Variants in ALLC observed in about 807,000 individuals in gnomAD.
ALLC encodes the protein allantoicase, also known as probable inactive allantoicase.
Under a neutral mutation model 45.0 loss-of-function variants are expected in ALLC, and 40 were observed. The observed-to-expected ratio is 0.89, with a 90% CI of 0.69 to 1.16. The LOEUF (loss-of-function observed/expected upper bound fraction) is 1.16, where lower values mean the gene tolerates loss of function less well. Among genes scored for constraint, ALLC ranks in the 50% most tolerant of loss-of-function variants. The pLI, the probability that ALLC is intolerant of heterozygous loss-of-function variation, is 0.00. For missense variants in ALLC, 488 were observed against 493.1 expected (o/e 0.99, Z 0.10); for synonymous variants, 176 against 178.1 (o/e 0.99, Z 0.09).
Position 3,667,317 on chromosome 2 carries a change from A to T in ALLC, c.-62-3779A>T, listed in dbSNP as rs372367291. On this transcript the variant is annotated intron_variant, in intron 1 of 11. Transcript: ENST00000252505. Reference sequence around the variant, plus strand: ...TCCACTGCACCACGAGCCGCTGAAGAGCAAGTGCATGCTCAGCCCCGGGCA... The same window carrying T: ...TCCACTGCACCACGAGCCGCTGAAGTGCAAGTGCATGCTCAGCCCCGGGCA... Among the ~76,000 whole-genome samples the T allele has an allele frequency of 6.4e-4, 97 of 152,332 alleles. 4 individuals carry two copies. Among genetic ancestry groups the T allele is most frequent in the African/African-American group, 2.3e-3 (94 of 41,576 alleles).
intron 3 of ALLC, among the ~76,000 whole-genome samples, chr2:3,674,825 C>T (rs756477945): frequency 7.2e-5 from 11 of 152,178 alleles, no homozygotes; most frequent in Non-Finnish European, 1.3e-4. Context: ...GAAAGGGCAA[C>T]ATGAATTAAC....
chr2:3,669,606 C>T (rs865777043), intron 1 of ALLC, among the ~76,000 whole-genome samples: 1 of 152,192 alleles, frequency 6.6e-6, no homozygotes, highest in Non-Finnish European at 1.5e-5. Context: ...CGAGATTGCG[C>T]CGCTGCACTC....
Position 3,680,787 on chromosome 2 carries a change from A to G in ALLC, c.298+793A>G, listed in dbSNP as rs1193509956. On this transcript the variant is annotated intron_variant, in intron 5 of 11. Transcript: ENST00000252505. This position sits in a 1 kb window ranked among gnomAD's most constrained non-coding sequence, Gnocchi z 4.0. ...AGGGCGGTGTGCGTCACAGCCTCTGATTTGTGCGATAATATCAAGGTTGAC... is the reference window on the plus strand; with the variant it reads ...AGGGCGGTGTGCGTCACAGCCTCTGGTTTGTGCGATAATATCAAGGTTGAC... Among the ~76,000 whole-genome samples, 3 of 152,074 alleles carry G rather than the reference A, an allele frequency of 2.0e-5. No homozygotes were observed. The highest frequency in any genetic ancestry group is 7.2e-5 in the African/African-American group (3 of 41,408).
chr2:3,670,427 C>G (rs1403838946), intron 1 of ALLC, among the ~76,000 whole-genome samples: 2 of 152,214 alleles, frequency 1.3e-5, no homozygotes, highest in Non-Finnish European at 2.9e-5. Flanking sequence ...CAGACTCTCC[C>G]TTCCTCCCTC....
chr2:3,656,203 G>A (rs1379011411), upstream of ALLC, among the ~76,000 whole-genome samples: 1 of 152,238 alleles, frequency 6.6e-6, no homozygotes, highest in East Asian at 1.9e-4. Flanking sequence ...AGGGAGGCCG[G>A]GGATGGCGGC....
chr2:3,695,915 G>T, intron 8 of ALLC, 43 bp downstream of exon 8: 3 of 1,559,142 alleles, frequency 1.9e-6, no homozygotes, highest in Non-Finnish European at 2.6e-6. Flanking sequence ...GGAAGTCTGG[G>T]TACCGGCATT....
At chr2:3,684,817 A>G (rs1667283489) in intron 7 of ALLC, among the ~76,000 whole-genome samples, 1 of 152,118 alleles carries the variant, frequency 6.6e-6, no homozygotes, top group Non-Finnish European at 1.5e-5. Context: ...TTATGGGCAC[A>G]TAGTAGGTAT....
chr2:3,657,678 G>T (rs917376316), upstream of ALLC, among the ~76,000 whole-genome samples: 2 of 152,250 alleles, frequency 1.3e-5, no homozygotes, highest in Non-Finnish European at 2.9e-5. Context: ...AAGGCAGGCG[G>T]CACGTGTTGT....
intron 9 of ALLC, 83 bp from the exon 10 acceptor site, chr2:3,697,264 AC>A: frequency 1.0e-6 from 1 of 983,290 alleles, no homozygotes; most frequent in African/African-American, 1.6e-5. Context: ...AAACACGTCA[AC>A]CTTTTTCACC....
intron 1 of ALLC, among the ~76,000 whole-genome samples, chr2:3,664,894 A>C (rs1666664836): frequency 6.6e-6 from 1 of 151,392 alleles, no homozygotes; most frequent in Non-Finnish European, 1.5e-5. Flanking sequence ...CAAAAAAAAA[A>C]ACAAAACCAA....
intron 7 of ALLC, among the ~76,000 whole-genome samples, chr2:3,693,902 C>T (rs1007537761): frequency 5.9e-5 from 9 of 152,102 alleles, no homozygotes; most frequent in Non-Finnish European, 1.0e-4. Flanking sequence ...GCAGCAGAAT[C>T]GCCTGAACCC....
At chr2:3,697,274 C>A in intron 9 of ALLC, 74 bp from the exon 10 acceptor site, 1 of 1,092,040 alleles carries the variant, frequency 9.2e-7, no homozygotes, top group Non-Finnish European at 1.4e-6. Context: ...ACCTTTTTCA[C>A]CTGTTGGTTT....
chr2:3,657,865 G>T (rs1440896210), upstream of ALLC, among the ~76,000 whole-genome samples: 1 of 152,276 alleles, frequency 6.6e-6, no homozygotes, highest in Non-Finnish European at 1.5e-5. Flanking sequence ...CCACTGCTGG[G>T]TGTGCTCAGT....
chr2:3,649,827 C>A, the ALLC span, among the ~76,000 whole-genome samples: 20 of 152,240 alleles, frequency 1.3e-4, no homozygotes. Flanking sequence ...CCAGAGACAA[C>A]CCACGCAGAC....
At chr2:3,666,074 A>G (rs1445086614) in intron 1 of ALLC, among the ~76,000 whole-genome samples, 1 of 152,240 alleles carries the variant, frequency 6.6e-6, no homozygotes, top group African/African-American at 2.4e-5. Flanking sequence ...GACTGTATGC[A>G]CAAAAGGCCA....
chr2:3,648,898 C>T, the ALLC span, among the ~76,000 whole-genome samples: 1 of 152,182 alleles, frequency 6.6e-6, no homozygotes, highest in Non-Finnish European at 1.5e-5. Context: ...ATTTTCATGC[C>T]TCCCACTGGG....
chr2:3,662,181 A>G (rs890430854), intron 1 of ALLC, among the ~76,000 whole-genome samples: 1 of 152,160 alleles, frequency 6.6e-6, no homozygotes, highest in Non-Finnish European at 1.5e-5. Flanking sequence ...GCCTGCTTTT[A>G]AGGCCTTGTG....
At chr2:3,666,790 G>A (rs915887198) in intron 1 of ALLC, among the ~76,000 whole-genome samples, 1 of 152,172 alleles carries the variant, frequency 6.6e-6, no homozygotes, top group African/African-American at 2.4e-5. Context: ...TGGTGGGGGC[G>A]ACGGTGGTGG....
the ALLC span, among the ~76,000 whole-genome samples, chr2:3,646,380 G>C: frequency 2.8e-4 from 42 of 152,344 alleles, no homozygotes; most frequent in African/African-American, 9.4e-4. Flanking sequence ...TCTTCAGCCA[G>C]CACCCATGAA....
Sources: gnomAD v4.1 joint callset for allele counts (sites outside exome capture counted in the v4.1 genomes callset) on GRCh38, gnomAD v4.1.1 for gene constraint, Gnocchi (gnomAD v3.1) non-coding constraint, MANE v1.5 for transcripts, NCBI Gene and HGNC (gene_info 2026-07-23, HGNC 2026-07-21) for gene names.